KIF6: variants seen among roughly 807,000 people sequenced by gnomAD.
The protein encoded by KIF6 is kinesin-like protein KIF6.
Under a neutral mutation model 112.7 loss-of-function variants are expected in KIF6, and 106 were observed. The observed-to-expected ratio is 0.94, with a 90% CI of 0.80 to 1.11. KIF6 has a LOEUF of 1.11. Ranked by LOEUF, KIF6 falls within the 50% of genes least tolerant of loss-of-function variation. The pLI is 0.00. For synonymous variants in KIF6, 339 were observed against 339.9 expected, an observed-to-expected ratio of 1.00 and a Z score of 0.03; for missense variants, 929 against 964.0, an observed-to-expected ratio of 0.96 and a Z score of 0.48.
chr6:39,601,294 T>C (rs955101773), intron 6 of KIF6, among the ~76,000 whole-genome samples: 2 of 152,100 alleles, frequency 1.3e-5, no homozygotes, highest in African/African-American at 4.8e-5. Context: ...ATCCTTTATC[T>C]CTCACTTGGG....
At chr6:39,670,061 T>C (rs572394768) in intron 3 of KIF6, among the ~76,000 whole-genome samples, 167 of 152,240 alleles carry the variant, frequency 1.1e-3, no homozygotes, top group African/African-American at 3.9e-3. Flanking sequence ...CTTACACCCG[T>C]GACAACGCCC....
chr6:39,469,556 G>T (rs1319641551), intron 13 of KIF6, among the ~76,000 whole-genome samples: 4 of 152,138 alleles, frequency 2.6e-5, no homozygotes, highest in Admixed American at 2.6e-4. Flanking sequence ...TGTTACTAGA[G>T]ATGGAGAGGA....
At position 39,583,135 on chromosome 6, in the gene KIF6, A is replaced by AAAAC. The variant is rs560656796; in HGVS notation, c.1077+1759_1077+1762dup. On this transcript the variant is annotated intron_variant, in intron 9 of 22. Transcript: ENST00000287152. Reference sequence around the variant, plus strand: ...AAGAAAAATCTCTAGCCAAATGCAAAAAACAAACAAACAAACAAACAAACA... The same window carrying AAAAC: ...AAGAAAAATCTCTAGCCAAATGCAAAAAACAAACAAACAAACAAACAAACAAACA... 997 of 259,318 alleles carry AAAAC rather than the reference A, an allele frequency of 3.8e-3. 9 individuals are homozygous for AAAAC. The highest frequency in any genetic ancestry group is 0.018 in the African/African-American group (811 of 45,250). The allele number at this position is 259,318 out of a possible 1,614,324, so 16.1% of individuals were successfully genotyped here.
intron 3 of KIF6, among the ~76,000 whole-genome samples, chr6:39,665,141 T>C (rs1465142489): frequency 2.0e-5 from 3 of 152,160 alleles, no homozygotes; most frequent in African/African-American, 4.8e-5. Flanking sequence ...ACTGTGGTCA[T>C]CTGAAACACC....
intron 6 of KIF6, among the ~76,000 whole-genome samples, chr6:39,611,264 A>G (rs1478269227): frequency 1.3e-5 from 2 of 152,130 alleles, no homozygotes; most frequent in Admixed American, 1.3e-4. Context: ...GCCATCACAC[A>G]CACCATGGCA....
At chr6:39,638,122 T>C (rs1784722170) in intron 4 of KIF6, among the ~76,000 whole-genome samples, 1 of 152,060 alleles carries the variant, frequency 6.6e-6, no homozygotes, top group South Asian at 2.1e-4. Flanking sequence ...CTGAAATTGG[T>C]CAGGGATCAC....
At chr6:39,487,867 T>C (rs1419075808) in intron 13 of KIF6, among the ~76,000 whole-genome samples, 1 of 152,258 alleles carries the variant, frequency 6.6e-6, no homozygotes, top group East Asian at 1.9e-4. Flanking sequence ...AAAATTTATT[T>C]CATCATGGGG....
chr6:39,523,935 T>G (rs1777554595), intron 13 of KIF6, among the ~76,000 whole-genome samples: 1 of 151,964 alleles, frequency 6.6e-6, no homozygotes. Context: ...TGAATTTTTA[T>G]TCAATGAATG....
At chr6:39,586,970 A>G (rs1220763907) in intron 7 of KIF6, among the ~76,000 whole-genome samples, 1 of 152,218 alleles carries the variant, frequency 6.6e-6, no homozygotes, top group Non-Finnish European at 1.5e-5. Context: ...AAGAGTTAAA[A>G]TGTGCAAATT....
At chr6:39,621,892 G>A (rs534502471) in intron 5 of KIF6, among the ~76,000 whole-genome samples, 3 of 152,132 alleles carry the variant, frequency 2.0e-5, no homozygotes, top group South Asian at 2.1e-4. Flanking sequence ...TCAGCCAGGC[G>A]TGGTGGCTCA....
chr6:39,349,562 G>A (rs145926706), intron 19 of KIF6, among the ~76,000 whole-genome samples: 1 of 151,916 alleles, frequency 6.6e-6, no homozygotes, highest in Non-Finnish European at 1.5e-5. Flanking sequence ...GAGGGCAGGG[G>A]GAGCAGTGGG....
chr6:39,364,237 AT>A (rs111831228), intron 16 of KIF6, among the ~76,000 whole-genome samples: 1,529 of 152,030 alleles, frequency 0.01, 31 homozygotes, highest in African/African-American at 0.035. Context: ...GATGTAGTCC[AT>A]CCCAGGGTGG....
rs1172597537 is a variant in KIF6 at position 39,357,166 on chromosome 6, G to T, written c.2180+111C>A. 6.0e-6 allele frequency: 4 copies of T among 668,678 alleles called. No individual in the cohort carries two copies. The East Asian group carries it at 1.0e-4, about 17-fold the overall frequency. The allele number at this position is 668,678 out of a possible 1,614,324, so 41.4% of individuals were successfully genotyped here. A position where few individuals can be genotyped will look rare whatever the true frequency, so the allele number is the denominator to read the frequency against. On this transcript the variant is annotated intron_variant, in intron 19 of 22. Transcript: ENST00000287152. ...TTAAACAGTAAAAGGAATTAATCCT[G>T]CTGGATCATATGGCTTATCAAGAGA... is the stretch of plus-strand genomic sequence containing the variant.
In KIF6 at chr6:39,347,847, G is replaced by A. The variant is rs115288308; in HGVS notation, c.2181-1321C>T. ...GGCTGCTTCCATAGGTCACGACTGT[G>A]GTCAAACAAGCAAGAAAAGACACCA... is the stretch of plus-strand genomic sequence containing the variant. On this transcript the variant is annotated intron_variant, in intron 19 of 22. Coordinates refer to ENST00000287152, the MANE Select transcript of KIF6 (RefSeq NM_145027.6). Among the ~76,000 whole-genome samples, 1,474 of 152,330 alleles carry A rather than the reference G, an allele frequency of 9.7e-3. 25 individuals are homozygous for A. Among genetic ancestry groups the A allele is most frequent in the African/African-American group, 0.034 (1,407 of 41,576 alleles).
At chr6:39,654,280 T>C (rs1785643479) in intron 3 of KIF6, among the ~76,000 whole-genome samples, 2 of 152,092 alleles carry the variant, frequency 1.3e-5, no homozygotes, top group Admixed American at 1.3e-4. Context: ...CCAGCTCCTC[T>C]CTCCACTCTC....
chr6:39,674,268 TAAA>T (rs1249086215), intron 3 of KIF6, among the ~76,000 whole-genome samples: 1 of 152,162 alleles, frequency 6.6e-6, no homozygotes, highest in African/African-American at 2.4e-5. Flanking sequence ...ATGAATTGTA[TAAA>T]TTCAACTGGT....
intron 3 of KIF6, among the ~76,000 whole-genome samples, chr6:39,674,289 T>C (rs1244390318): frequency 6.6e-6 from 1 of 152,204 alleles, no homozygotes; most frequent in Non-Finnish European, 1.5e-5. Flanking sequence ...GGTATGTCTA[T>C]GACTTAGCAA....
intron 1 of KIF6, among the ~76,000 whole-genome samples, chr6:39,724,686 T>G (rs1790431929): frequency 3.3e-5 from 5 of 152,188 alleles, no homozygotes; most frequent in Admixed American, 1.3e-4. Context: ...CACGTTTATG[T>G]TGGAGAATAA....
At chr6:39,514,423 G>A (rs1408551846) in intron 13 of KIF6, among the ~76,000 whole-genome samples, 1 of 152,214 alleles carries the variant, frequency 6.6e-6, no homozygotes, top group Non-Finnish European at 1.5e-5. Flanking sequence ...TAAGCAGAAA[G>A]GAGGACATGT....
Sources: allele counts gnomAD v4.1 joint callset (sites outside exome capture counted in the v4.1 genomes callset), GRCh38; gene constraint gnomAD v4.1.1; transcripts MANE v1.5; gene names NCBI Gene and HGNC (gene_info 2026-07-23, HGNC 2026-07-21).